PAPLN: variants seen among roughly 807,000 people sequenced by gnomAD.
PAPLN encodes papilin, proteoglycan like sulfated glycoprotein, also known as papilin.
In PAPLN, 146 loss-of-function variants were observed where a neutral mutation model predicts 159.0. That is an observed-to-expected ratio of 0.92 (90% CI 0.80 to 1.05). The LOEUF is 1.05. Among genes scored for constraint, PAPLN ranks in the 50% least tolerant of loss-of-function variants. PAPLN has a pLI of 0.00. For synonymous variants in PAPLN, 734 were observed against 702.9 expected, an observed-to-expected ratio of 1.04 and a Z score of -0.70; for missense variants, 1,720 against 1,743.9, an observed-to-expected ratio of 0.99 and a Z score of 0.24.
chr14:73,240,779 C>T (rs950894707), intron 2 of PAPLN, among the ~76,000 whole-genome samples: 1 of 152,204 alleles, frequency 6.6e-6, no homozygotes, highest in African/African-American at 2.4e-5. Context: ...TACAAGGAAT[C>T]TTCTAGACCA....
At chr14:73,261,032 C>A in intron 17 of PAPLN, 124 bp from the exon 18 acceptor site, 1 of 1,515,230 alleles carries the variant, frequency 6.6e-7, no homozygotes, top group South Asian at 1.2e-5. Flanking sequence ...ATTCTCCTGG[C>A]CTCTGGTCTC....
intron 18 of PAPLN, among the ~76,000 whole-genome samples, chr14:73,261,895 A>G (rs749543651): frequency 6.6e-6 from 1 of 152,176 alleles, no homozygotes; most frequent in Non-Finnish European, 1.5e-5. Context: ...AGGTGGGCTC[A>G]GTGGCCAGTC....
At chr14:73,268,870 CT>C in intron 26 of PAPLN, 147 bp downstream of exon 26, 2 of 1,005,474 alleles carry the variant, frequency 2.0e-6, no homozygotes, top group Non-Finnish European at 2.8e-6. Context: ...GGGCAAGGGG[CT>C]TACCTTCCTG....
Position 73,254,500 on chromosome 14 carries a change from C to T in PAPLN, c.1303-13C>T, listed in dbSNP as rs1328413776. On this transcript the variant is annotated splice_polypyrimidine_tract_variant and intron_variant, in intron 12 of 26. Coordinates refer to ENST00000644200, the MANE Select transcript of PAPLN (RefSeq NM_001365906.3). ...GCAAGGCCGAGCTTCTGCTGACAGC[C>T]TTGTCCTTGCAGTGTTCTGTCAGTT... 1.9e-6 allele frequency: 3 copies of T among 1,613,066 alleles called. No homozygotes were observed. Among genetic ancestry groups the T allele is most frequent in the African/African-American group, 1.3e-5 (1 of 74,936 alleles).
chr14:73,263,444 G>C, intron 19 of PAPLN: 1 of 638,922 alleles, frequency 1.6e-6, no homozygotes, highest in East Asian at 2.7e-5. Context: ...GTGATGCTTG[G>C]GGGAGCCGGG....
intron 23 of PAPLN, among the ~76,000 whole-genome samples, chr14:73,266,206 C>T (rs1190985422): frequency 2.6e-5 from 4 of 152,130 alleles, no homozygotes; most frequent in African/African-American, 9.7e-5. Flanking sequence ...GGCGTGGTGG[C>T]ACATGCCTGT....
chr14:73,238,509 G>A (rs1036097157), intron 1 of PAPLN, among the ~76,000 whole-genome samples: 2 of 152,360 alleles, frequency 1.3e-5, no homozygotes, highest in African/African-American at 4.8e-5. Context: ...AAATTGCAGC[G>A]GAGGCGGTGG....
chr14:73,259,508 TG>T lies in PAPLN; in HGVS notation c.1950del (p.Trp650CysfsTer152), dbSNP rs1159946840. ...CCACACGGCATCTCTCGGGCCTCAG[TG>T]GCAAGGCTGCCCTGGGGCCCCCTGT... The part of the protein sequence containing the change: ...DGHTASLGPQ[W>X]QGCPGAPCQQ... On this transcript the variant is annotated frameshift_variant, in exon 16 of 27. Coordinates refer to ENST00000644200, the MANE Select transcript of PAPLN (RefSeq NM_001365906.3). LOFTEE classifies it high-confidence loss of function. The T allele has an allele frequency of 6.3e-7, 1 of 1,597,602 alleles. No individual in the cohort carries two copies. The highest frequency in any genetic ancestry group is 2.3e-5 in the East Asian group (1 of 44,194).
chr14:73,272,364 G>GT, intron 26 of PAPLN, 131 bp from the exon 27 acceptor site: 1 of 828,388 alleles, frequency 1.2e-6, no homozygotes, highest in Admixed American at 2.6e-5. Flanking sequence ...AGGTTACAGG[G>GT]TAAGTGCACT....
intron 7 of PAPLN, among the ~76,000 whole-genome samples, 179 bp downstream of exon 7, chr14:73,251,209 G>A (rs1008468915): frequency 8.5e-5 from 13 of 152,156 alleles, no homozygotes; most frequent in African/African-American, 1.4e-4. Context: ...ACTCGTGCCC[G>A]CTCGTGCAGT....
At chr14:73,236,891 TAGAA>T (rs146682898), upstream of PAPLN, among the ~76,000 whole-genome samples, 20,503 of 107,696 alleles carry the variant, frequency 0.19, 1,773 homozygotes, top group Middle Eastern at 0.33. Flanking sequence ...GGGAGGAAAG[TAGAA>T]AGAAAGAAAA....
At chr14:73,252,247 G>T (rs1246579701) in intron 10 of PAPLN, 106 bp downstream of exon 10, 2 of 1,418,464 alleles carry the variant, frequency 1.4e-6, no homozygotes, top group Non-Finnish European at 1.9e-6. Flanking sequence ...CCCTCCTGGG[G>T]AGATGGACAA....
At chr14:73,249,932 G>A in intron 5 of PAPLN, 52 bp from the exon 6 acceptor site, 1 of 1,546,042 alleles carries the variant, frequency 6.5e-7, no homozygotes, top group Non-Finnish European at 8.7e-7. Context: ...GGGTCTTGGG[G>A]AGGGGCATCA....
chr14:73,255,144 C>G (rs1345199991), intron 14 of PAPLN, 126 bp downstream of exon 14: 15 of 1,301,352 alleles, frequency 1.2e-5, no homozygotes, highest in Non-Finnish European at 1.6e-5. Context: ...CCCCACTTCT[C>G]CCATGTCTCC....
At chr14:73,247,530 G>T (rs1001364828) in intron 5 of PAPLN, among the ~76,000 whole-genome samples, 4 of 151,414 alleles carry the variant, frequency 2.6e-5, no homozygotes, top group African/African-American at 9.7e-5. Flanking sequence ...ATGTGTGTGT[G>T]TGTGTTGTGG....
intron 25 of PAPLN, among the ~76,000 whole-genome samples, chr14:73,267,391 G>C (rs1887331808): frequency 1.3e-5 from 2 of 152,306 alleles, no homozygotes; most frequent in South Asian, 4.1e-4. Flanking sequence ...AGGTTCTGGG[G>C]ATCCTGGGGT....
Position 73,262,381 on chromosome 14 carries a change from C to T in PAPLN, c.2277C>T (p.Ala759=), listed in dbSNP as rs753912866. ...CCGTGCGGTGCCTGCTGCCCAGTGC[C>T]CATGGCTCTTGCGCAGACTGGGCTG... ...AYPVRCLLPS[A]HGSCADWAAR... is the part of the protein sequence containing the mutation. Residue 759 remains alanine, a synonymous_variant, in exon 19 of 27, where the codon GCC becomes GCT. Transcript: ENST00000644200. 3.7e-6 allele frequency: 6 copies of T among 1,613,710 alleles called. No homozygotes were observed. The Admixed American group carries it at 1.0e-4, about 27-fold the overall frequency.
chr14:73,250,437 T>C (rs1885113644), intron 6 of PAPLN, among the ~76,000 whole-genome samples: 1 of 152,194 alleles, frequency 6.6e-6, no homozygotes, highest in African/African-American at 2.4e-5. Flanking sequence ...GGCTTTCCTC[T>C]CCTTGGGTCC....
chr14:73,246,030 G>A (rs1472894973), intron 4 of PAPLN, 43 bp from the exon 5 acceptor site: 7 of 1,496,862 alleles, frequency 4.7e-6, no homozygotes, highest in South Asian at 1.2e-5. Context: ...GGCGGACCTC[G>A]GACTCCGCCC....
Sources: allele counts gnomAD v4.1 joint callset (sites outside exome capture counted in the v4.1 genomes callset), GRCh38; gene constraint gnomAD v4.1.1; transcripts MANE v1.5; gene names NCBI Gene and HGNC (gene_info 2026-07-23, HGNC 2026-07-21).